PLXNA4: variants seen among roughly 807,000 people sequenced by gnomAD.
PLXNA4 encodes plexin A4.
Under a neutral mutation model 191.8 loss-of-function variants are expected in PLXNA4, and 44 were observed. The ratio of observed to expected loss-of-function variants is 0.23; its 90% confidence interval spans 0.18 to 0.29. PLXNA4 has a LOEUF of 0.29. Among genes scored for constraint, PLXNA4 ranks in the 10% least tolerant of loss-of-function variants. The pLI is 1.00. For synonymous variants in PLXNA4, 1,082 were observed against 1,009.5 expected (o/e 1.07, Z -1.36); for missense variants, 1,800 against 2,488.8 (o/e 0.72, Z 5.89).
At chr7:132,461,241 C>T (rs1427793627) in intron 3 of PLXNA4, among the ~76,000 whole-genome samples, 2 of 152,188 alleles carry the variant, frequency 1.3e-5, no homozygotes, top group African/African-American at 4.8e-5. Context: ...GGGACTGAAT[C>T]TGGCCTCTTC....
intron 3 of PLXNA4, among the ~76,000 whole-genome samples, chr7:132,485,872 C>G (rs939377966): frequency 3.3e-5 from 5 of 152,150 alleles, no homozygotes; most frequent in Non-Finnish European, 7.3e-5. Flanking sequence ...GACGTGTGCA[C>G]TAAAGGAGTG....
chr7:132,527,162 T>C (rs888188846), intron 1 of PLXNA4, among the ~76,000 whole-genome samples: 1 of 152,180 alleles, frequency 6.6e-6, no homozygotes, highest in African/African-American at 2.4e-5. Context: ...CTGGACCCAA[T>C]GTGGCCAAAG....
chr7:132,189,773 C>A (rs150553976), intron 14 of PLXNA4, among the ~76,000 whole-genome samples: 3 of 152,106 alleles, frequency 2.0e-5, no homozygotes, highest in South Asian at 4.1e-4. Context: ...CAACCCCCTG[C>A]GGAGACTCAT....
intron 3 of PLXNA4, among the ~76,000 whole-genome samples, chr7:132,401,949 G>A (rs1161898344): frequency 2.0e-5 from 3 of 152,232 alleles, no homozygotes; most frequent in East Asian, 1.9e-4. Flanking sequence ...ATATAGTATC[G>A]ATGGGTATAA....
intron 30 of PLXNA4, among the ~76,000 whole-genome samples, chr7:132,139,263 T>C (rs1244360216): frequency 1.3e-5 from 2 of 152,220 alleles, no homozygotes; most frequent in East Asian, 3.9e-4. Flanking sequence ...TTAGTGACAC[T>C]AATGCACTGA....
chr7:132,169,027 C>A (rs942421837), intron 21 of PLXNA4, among the ~76,000 whole-genome samples: 33 of 152,218 alleles, frequency 2.2e-4, no homozygotes, highest in Non-Finnish European at 4.7e-4. Flanking sequence ...CCTAGGGGTG[C>A]TGTTGATACA....
At chr7:132,565,787 G>A (rs942596493) in intron 1 of PLXNA4, among the ~76,000 whole-genome samples, 22 of 152,250 alleles carry the variant, frequency 1.4e-4, no homozygotes, top group African/African-American at 4.8e-4. Context: ...AAAGCCAATG[G>A]TTTATGAAGA....
chr7:132,448,774 A>G (rs1293694078), intron 3 of PLXNA4, among the ~76,000 whole-genome samples: 2 of 152,240 alleles, frequency 1.3e-5, no homozygotes, highest in Non-Finnish European at 2.9e-5. Flanking sequence ...CAGAGAAGGA[A>G]GAACCAACAA....
chr7:132,479,712 C>T (rs1261772667), intron 3 of PLXNA4, among the ~76,000 whole-genome samples: 7 of 152,112 alleles, frequency 4.6e-5, no homozygotes, highest in Admixed American at 6.5e-5. Flanking sequence ...TGCAATGGCA[C>T]GATCTCGGCT....
intron 24 of PLXNA4, among the ~76,000 whole-genome samples, chr7:132,160,975 G>A (rs1261745082): frequency 6.6e-6 from 1 of 152,086 alleles, no homozygotes; most frequent in Non-Finnish European, 1.5e-5. Flanking sequence ...CACTCAAAAT[G>A]CCCTAACCTG....
intron 10 of PLXNA4, among the ~76,000 whole-genome samples, chr7:132,209,340 T>G (rs1044246711): frequency 7.9e-5 from 12 of 152,230 alleles, no homozygotes; most frequent in African/African-American, 2.9e-4. Flanking sequence ...ACCAGCCTTC[T>G]GCAGAGTCAA....
At chr7:132,339,779 C>A (rs773430531) in intron 3 of PLXNA4, among the ~76,000 whole-genome samples, 2 of 152,062 alleles carry the variant, frequency 1.3e-5, no homozygotes, top group Admixed American at 6.5e-5. Context: ...GTTTAGGTGC[C>A]GAGTGACCTA....
intron 3 of PLXNA4, among the ~76,000 whole-genome samples, chr7:132,395,779 T>C (rs774631856): frequency 6.6e-6 from 1 of 152,248 alleles, no homozygotes; most frequent in Non-Finnish European, 1.5e-5. Flanking sequence ...CCACTTGCTC[T>C]AGAAGGAATG....
At chr7:132,604,549 T>C (rs1344125573) in intron 2 of PLXNA4, among the ~76,000 whole-genome samples, 2 of 152,160 alleles carry the variant, frequency 1.3e-5, no homozygotes, top group Non-Finnish European at 2.9e-5. Context: ...TGGTAAACAG[T>C]TGTTTTTCAA....
rs183609296 is a variant in PLXNA4, at chr7:132,514,923, G to A, written c.-86-6144C>T. 3.3e-5 allele frequency among the ~76,000 whole-genome samples: 5 copies of A among 152,276 alleles called. No individual in the cohort carries two copies. The East Asian group carries it at 9.7e-4, about 29-fold the overall frequency. ...CTTTCAGAGACGGTGCATACCTGTT[G>A]TTTTTGCTGTCATTCATTTATCCTC... On this transcript the variant is annotated intron_variant, in intron 1 of 31. Transcript: ENST00000321063.
intron 15 of PLXNA4, among the ~76,000 whole-genome samples, chr7:132,186,107 TC>T (rs1371978382): frequency 6.6e-6 from 1 of 152,094 alleles, no homozygotes; most frequent in African/African-American, 2.4e-5. Context: ...CAAGGAAAAA[TC>T]CTCTCTCTAG....
intron 29 of PLXNA4, among the ~76,000 whole-genome samples, chr7:132,143,070 T>TA (rs1431116923): frequency 6.6e-6 from 1 of 152,062 alleles, no homozygotes; most frequent in Admixed American, 6.5e-5. Flanking sequence ...GCAGGAGGTT[T>TA]ATTTAAAAGA....
intron 31 of PLXNA4, among the ~76,000 whole-genome samples, 181 bp from the exon 32 acceptor site, chr7:132,130,755 G>C (rs1794903570): frequency 6.6e-6 from 1 of 152,204 alleles, no homozygotes; most frequent in African/African-American, 2.4e-5. Context: ...AGTTGTGGCA[G>C]GCATAGCATG....
chr7:132,642,093 AG>A (rs1803755442), intron 2 of PLXNA4, among the ~76,000 whole-genome samples: 1 of 152,158 alleles, frequency 6.6e-6, no homozygotes, highest in South Asian at 2.1e-4. Context: ...CAAATTGCAA[AG>A]TGTGACAGAA....
Sources: gnomAD v4.1 joint callset for allele counts (sites outside exome capture counted in the v4.1 genomes callset) on GRCh38, gnomAD v4.1.1 for gene constraint, MANE v1.5 for transcripts, NCBI Gene and HGNC (gene_info 2026-07-23, HGNC 2026-07-21) for gene names.